SNX25: variants seen among roughly 807,000 people sequenced by gnomAD.
SNX25 encodes the protein sorting nexin-25.
SNX25 carries 62 observed loss-of-function variants against 113.7 expected under a neutral mutation model. The ratio of observed to expected loss-of-function variants is 0.55; its 90% CI spans 0.44 to 0.67. The LOEUF (loss-of-function observed/expected upper bound fraction) is 0.67. Among genes scored for constraint, SNX25 ranks in the 30% least tolerant of loss-of-function variants. The pLI, the probability that SNX25 is intolerant of heterozygous loss-of-function variation, is 0.00. For synonymous variants in SNX25, 421 were observed against 436.2 expected, an observed-to-expected ratio of 0.97 and a Z score of 0.43; for missense variants, 1,014 against 1,161.0, an observed-to-expected ratio of 0.87 and a Z score of 1.84.
downstream of SNX25, among the ~76,000 whole-genome samples, chr4:185,368,801 T>TG (rs2095402610): frequency 6.6e-6 from 1 of 151,402 alleles, no homozygotes; most frequent in Non-Finnish European, 1.5e-5. Context: ...TTTTGTTTTT[T>TG]TTTTTTTTTT....
intron 2 of SNX25, among the ~76,000 whole-genome samples, chr4:185,252,133 A>AT (rs1184781146): frequency 1.3e-5 from 2 of 152,192 alleles, no homozygotes; most frequent in Non-Finnish European, 2.9e-5. Context: ...AAATTCATGC[A>AT]TTTGGCAGTA....
chr4:185,321,782 G>C (rs563389732), intron 8 of SNX25, among the ~76,000 whole-genome samples: 149 of 152,032 alleles, frequency 9.8e-4, no homozygotes, highest in Middle Eastern at 3.4e-3. Context: ...TATTTGGGGG[G>C]AAAAAAACTG....
Position 185,334,036 on chromosome 4 carries a change from C to CAAA in SNX25, c.1914+1293_1914+1295dup, listed in dbSNP as rs34587614. Among the ~76,000 whole-genome samples the CAAA allele has an allele frequency of 6.2e-4, 65 of 104,380 alleles. 1 individual carries two copies. The highest frequency in any genetic ancestry group is 2.1e-3 in the African/African-American group (61 of 28,764). 68.5% of individuals were successfully genotyped at this position (104,380 alleles called of 152,430 possible). Reference sequence around the variant, plus strand: ...TGCACTCCAGACTGGGCAATAGTCTCAAAAAAAAAAAAAAAAAAGTGGCTA... The same window carrying CAAA: ...TGCACTCCAGACTGGGCAATAGTCTCAAAAAAAAAAAAAAAAAAAAAGTGGCTA... On this transcript the variant is annotated intron_variant, in intron 10 of 18. Coordinates refer to ENST00000652585, the MANE Select transcript of SNX25 (RefSeq NM_001378034.2). This position sits in a 1 kb window ranked among gnomAD's most constrained non-coding sequence, Gnocchi z 4.2.
At chr4:185,282,446 G>A (rs1190778929) in intron 5 of SNX25, among the ~76,000 whole-genome samples, 3 of 152,316 alleles carry the variant, frequency 2.0e-5, no homozygotes, top group East Asian at 3.9e-4. Flanking sequence ...TGGGATTACA[G>A]GCATGAGCCA....
At chr4:185,308,924 T>A (rs1028458243) in intron 6 of SNX25, among the ~76,000 whole-genome samples, 1 of 152,206 alleles carries the variant, frequency 6.6e-6, no homozygotes, top group Non-Finnish European at 1.5e-5. Flanking sequence ...TTTGCCTGTT[T>A]GGTTGTCTTT....
At chr4:185,287,723 TGAGCATAACCTCA>T (rs1751537114) in intron 5 of SNX25, among the ~76,000 whole-genome samples, 1 of 152,202 alleles carries the variant, frequency 6.6e-6, no homozygotes, top group African/African-American at 2.4e-5. Context: ...AGAGGGAGGC[TGAGCATAACCTCA>T]GAGTTTCTAC....
At chr4:185,367,329 A>AT, downstream of SNX25, 1 of 1,201,406 alleles carries the variant, frequency 8.3e-7, no homozygotes, top group Non-Finnish European at 1.2e-6. Flanking sequence ...TTTTTGATTC[A>AT]TTTTTAAGAA....
chr4:185,353,110 A>G (rs763026853), intron 14 of SNX25: 11 of 162,170 alleles, frequency 6.8e-5, no homozygotes, highest in South Asian at 1.9e-4. Context: ...TGCATGTTTG[A>G]AAAAAAGCAG....
At chr4:185,346,484 T>G (rs1579875882) in intron 12 of SNX25, 53 bp from the exon 13 acceptor site, 5 of 1,190,770 alleles carry the variant, frequency 4.2e-6, no homozygotes, top group Non-Finnish European at 4.9e-6. Flanking sequence ...AAATCTTTTT[T>G]AAGATTAAAA....
intron 5 of SNX25, among the ~76,000 whole-genome samples, chr4:185,278,675 A>G (rs1443397656): frequency 1.3e-5 from 2 of 152,218 alleles, no homozygotes; most frequent in Non-Finnish European, 2.9e-5. Context: ...AGTTCACTCA[A>G]AATGTAGGAG....
At chr4:185,293,269 C>T (rs914883126) in intron 6 of SNX25, among the ~76,000 whole-genome samples, 1 of 152,188 alleles carries the variant, frequency 6.6e-6, no homozygotes, top group Non-Finnish European at 1.5e-5. Context: ...TGTGACCTAG[C>T]ATTTCTACTC....
chr4:185,328,651 G>A (rs923698251), intron 9 of SNX25, among the ~76,000 whole-genome samples: 1 of 152,146 alleles, frequency 6.6e-6, no homozygotes, highest in Non-Finnish European at 1.5e-5. Context: ...AAAGGATTGG[G>A]TTATGTGTAG....
chr4:185,339,136 T>G (rs114751236), intron 10 of SNX25, among the ~76,000 whole-genome samples: 7 of 152,356 alleles, frequency 4.6e-5, no homozygotes, highest in Non-Finnish European at 8.8e-5. Context: ...TTTAGTCTCT[T>G]TCATCAGTGT....
At chr4:185,255,514 G>A (rs1488198918) in intron 2 of SNX25, among the ~76,000 whole-genome samples, 1 of 152,150 alleles carries the variant, frequency 6.6e-6, no homozygotes, top group African/African-American at 2.4e-5. Context: ...TTACAAGTGT[G>A]AGCCACCGCA....
downstream of SNX25, chr4:185,367,276 T>C: frequency 6.3e-7 from 1 of 1,577,042 alleles, no homozygotes; most frequent in Non-Finnish European, 8.7e-7. Flanking sequence ...GATATTTAGA[T>C]ACATTCTAAT....
intron 1 of SNX25, among the ~76,000 whole-genome samples, chr4:185,227,422 T>C (rs1264048674): frequency 1.3e-5 from 2 of 152,236 alleles, no homozygotes; most frequent in African/African-American, 4.8e-5. Context: ...TTCCTCTTCT[T>C]CAAGCTGAAC....
chr4:185,335,313 G>C (rs1334059904), intron 10 of SNX25, among the ~76,000 whole-genome samples: 1 of 103,170 alleles, frequency 9.7e-6, no homozygotes, highest in Non-Finnish European at 2.0e-5. Context: ...GAGTGAAAAA[G>C]TCTCACACAC....
chr4:185,268,973 T>G (rs1044221705), intron 5 of SNX25, among the ~76,000 whole-genome samples: 2 of 152,220 alleles, frequency 1.3e-5, no homozygotes, highest in African/African-American at 4.8e-5. Context: ...ATCTGGAGAT[T>G]TAATGTTTCT....
chr4:185,335,318 A>T (rs79896439), intron 10 of SNX25, among the ~76,000 whole-genome samples: 738 of 18,930 alleles, frequency 0.039, 6 homozygotes, highest in South Asian at 0.039. Context: ...AAAAAGTCTC[A>T]CACACACACA....
Sources: gnomAD v4.1 joint callset for allele counts (sites outside exome capture counted in the v4.1 genomes callset) on GRCh38, gnomAD v4.1.1 for gene constraint, Gnocchi (gnomAD v3.1) non-coding constraint, MANE v1.5 for transcripts, NCBI Gene and HGNC (gene_info 2026-07-23, HGNC 2026-07-21) for gene names.